The following CCDC30 variants were observed in gnomAD, a reference collection of about 807,000 sequenced individuals.
CCDC30 encodes coiled-coil domain containing 30.
CCDC30 carries 70 observed loss-of-function variants against 100.2 expected under a neutral mutation model. That is an observed-to-expected ratio of 0.70 (90% CI 0.58 to 0.85). CCDC30 has a LOEUF of 0.85. CCDC30 is among the 40% of genes least tolerant of loss of function. The probability of loss-of-function intolerance (pLI) is 0.00; values close to 1 mark genes in which losing one functional copy is unlikely to be tolerated. For missense variants in CCDC30, 652 were observed against 771.2 expected, an observed-to-expected ratio of 0.85 and a Z score of 1.83; for synonymous variants, 233 against 269.5, an observed-to-expected ratio of 0.86 and a Z score of 1.33.
chr1:42,531,646 C>T (rs1476912298), intron 6 of CCDC30, among the ~76,000 whole-genome samples: 1 of 152,078 alleles, frequency 6.6e-6, no homozygotes, highest in East Asian at 1.9e-4. Flanking sequence ...CCTGTAGTTC[C>T]AACTACTCAG....
At chr1:42,598,750 C>T (rs749015141) in intron 10 of CCDC30, among the ~76,000 whole-genome samples, 4 of 151,404 alleles carry the variant, frequency 2.6e-5, no homozygotes, top group Non-Finnish European at 4.4e-5. Context: ...AGAGTGAGAC[C>T]CTGTCTCAAA....
chr1:42,547,034 G>C lies in CCDC30; in HGVS notation c.457-19262G>C, dbSNP rs80231305. ...TAAAGATAGAAGGAGATTATTTTGC[G>C]AGTTTGGGGCTCCTAAATATTATGC... On this transcript the variant is annotated intron_variant, in intron 6 of 16. Transcript: ENST00000668663. Among the ~76,000 whole-genome samples the C allele has an allele frequency of 3.8e-3, 584 of 152,250 alleles. 1 individual carries two copies. The highest frequency in any genetic ancestry group is 0.012 in the African/African-American group (518 of 41,566).
chr1:42,589,297 T>A lies in CCDC30; in HGVS notation c.1002-24T>A, dbSNP rs1646136872. 2 of 1,551,196 alleles carry A rather than the reference T, an allele frequency of 1.3e-6. 1 individual carries two copies. The highest frequency in any genetic ancestry group is 4.5e-5 in the East Asian group (2 of 44,162). On this transcript the variant is annotated intron_variant, in intron 9 of 16. Coordinates refer to ENST00000668663, the Ensembl canonical transcript of CCDC30. ...TTTCATTTGCAATTCATGGTGTGAT[T>A]TAATCTACATTAATTGCCCTCAGGA...
chr1:42,581,280 T>C, intron 8 of CCDC30, 80 bp from the exon 13 acceptor site: 1 of 1,043,840 alleles, frequency 9.6e-7, no homozygotes, highest in Non-Finnish European at 1.4e-6. Flanking sequence ...CTATGTTTGC[T>C]ATTTATATGT....
intron 6 of CCDC30, among the ~76,000 whole-genome samples, chr1:42,552,755 G>A (rs561500799): frequency 1.1e-4 from 16 of 152,156 alleles, no homozygotes; most frequent in East Asian, 7.8e-4. Context: ...CCCCGGGGCC[G>A]CCACTGATAC....
At chr1:42,460,197 T>C, upstream of CCDC30, 1 of 1,137,690 alleles carries the variant, frequency 8.8e-7, no homozygotes, top group East Asian at 4.9e-5. Context: ...CATGGGGGCC[T>C]GAATGTCAGC....
At chr1:42,632,058 A>G (rs964558165) in intron 11 of CCDC30, among the ~76,000 whole-genome samples, 1 of 152,144 alleles carries the variant, frequency 6.6e-6, no homozygotes, top group Admixed American at 6.6e-5. Context: ...TTCACCCTGT[A>G]GCCACCACAG....
intron 11 of CCDC30, among the ~76,000 whole-genome samples, chr1:42,629,182 A>G (rs1454681765): frequency 6.6e-6 from 1 of 151,998 alleles, no homozygotes; most frequent in Non-Finnish European, 1.5e-5. Flanking sequence ...TGATTGAAGT[A>G]CTCCCTTTAG....
intron 2 of CCDC30, among the ~76,000 whole-genome samples, chr1:42,480,987 T>G (rs1643947230): frequency 6.6e-6 from 1 of 151,738 alleles, no homozygotes; most frequent in South Asian, 2.1e-4. Context: ...CTGGGTGTGG[T>G]GTAGTTCCAG....
intron 6 of CCDC30, among the ~76,000 whole-genome samples, chr1:42,548,284 C>T (rs1165291497): frequency 6.6e-6 from 1 of 152,144 alleles, no homozygotes; most frequent in Admixed American, 6.5e-5. Flanking sequence ...TTATTTGGCT[C>T]ATCTGTCTTT....
chr1:42,528,928 G>A lies in CCDC30; in HGVS notation c.456+30012G>A, dbSNP rs76356082. Among the ~76,000 whole-genome samples the A allele has an allele frequency of 5.3e-5, 8 of 152,264 alleles. No homozygotes were observed. The East Asian group carries it at 1.2e-3, about 22-fold the overall frequency. ...AAAAGATCACATGGTTTTCCCTAACGTTTAACATTAAGTACCAGAATAGTG... is the reference window on the plus strand; with the variant it reads ...AAAAGATCACATGGTTTTCCCTAACATTTAACATTAAGTACCAGAATAGTG... On this transcript the variant is annotated intron_variant, in intron 6 of 16. Transcript: ENST00000668663.
rs1196726159 is a variant in CCDC30, at chr1:42,556,151, C to A, written c.457-10145C>A. 1 of 1,603,060 alleles carries A rather than the reference C, an allele frequency of 6.2e-7. No homozygotes were observed. The highest frequency in any genetic ancestry group is 1.7e-5 in the Admixed American group (1 of 57,182). On this transcript the variant is annotated intron_variant, in intron 6 of 16. Transcript: ENST00000668663. ...GATAGATTTTATTCTTATATTTGCA[C>A]CAAGTCCCAAATTAGGAGAAAGAAA... is the stretch of plus-strand genomic sequence containing the variant.
chr1:42,493,017 T>A (rs1415204281), intron 4 of CCDC30, among the ~76,000 whole-genome samples: 1 of 152,084 alleles, frequency 6.6e-6, no homozygotes. Flanking sequence ...ATATTTTGAA[T>A]TTAAGAAAAT....
chr1:42,639,932 C>A lies in CCDC30; in HGVS notation c.1420-2541C>A, dbSNP rs1225459846. ...AGTGAGCCAAGATTGCACCATTGCACTCCAGCTTAGGTGAAAAGAGTGAAA... is the reference window on the plus strand; with the variant it reads ...AGTGAGCCAAGATTGCACCATTGCAATCCAGCTTAGGTGAAAAGAGTGAAA... On this transcript the variant is annotated intron_variant, in intron 12 of 16. Coordinates refer to ENST00000668663, the Ensembl canonical transcript of CCDC30. Among the ~76,000 whole-genome samples, 41 of 147,694 alleles carry A rather than the reference C, an allele frequency of 2.8e-4. 1 individual carries two copies. Among genetic ancestry groups the A allele is most frequent in the Non-Finnish European group, 4.4e-5 (3 of 67,558 alleles).
At chr1:42,535,642 T>C (rs1369455654) in intron 6 of CCDC30, among the ~76,000 whole-genome samples, 1 of 68,666 alleles carries the variant, frequency 1.5e-5, no homozygotes. Context: ...AGTGGATCGC[T>C]TGAGCCCAGG....
At chr1:42,497,413 T>C (rs1644247218) in intron 5 of CCDC30, among the ~76,000 whole-genome samples, 200 bp downstream of exon 5, 1 of 152,184 alleles carries the variant, frequency 6.6e-6, no homozygotes. Context: ...TAACTACCTA[T>C]GCTAAACAGC....
chr1:42,456,483 C>A, the CCDC30 span: 3 of 1,369,340 alleles, frequency 2.2e-6, no homozygotes, highest in Middle Eastern at 2.3e-4. Context: ...CTCAGTACGG[C>A]GCGGCGCGTA....
intron 10 of CCDC30, among the ~76,000 whole-genome samples, chr1:42,605,960 G>A (rs1057471811): frequency 1.3e-5 from 2 of 152,014 alleles, no homozygotes; most frequent in Non-Finnish European, 2.9e-5. Context: ...CTGGAGATTT[G>A]CCAGAATTTA....
chr1:42,635,055 T>TTTTG (rs1029135104), intron 11 of CCDC30, among the ~76,000 whole-genome samples: 15 of 152,274 alleles, frequency 9.9e-5, no homozygotes, highest in African/African-American at 3.1e-4. Flanking sequence ...ATTTGGTTTT[T>TTTTG]TTTGTTTGTT....
Sources: gnomAD v4.1 joint callset for allele counts (sites outside exome capture counted in the v4.1 genomes callset) on GRCh38, gnomAD v4.1.1 for gene constraint, MANE v1.5 for transcripts, NCBI Gene and HGNC (gene_info 2026-07-23, HGNC 2026-07-21) for gene names.